Variants in UBE2R2 observed in about 807,000 individuals in gnomAD.
The protein encoded by UBE2R2 is ubiquitin-conjugating enzyme E2 R2.
Under a neutral mutation model 27.8 loss-of-function variants are expected in UBE2R2, and 1 was observed. The ratio of observed to expected loss-of-function variants is 0.04; its 90% confidence interval spans 0.01 to 0.17. UBE2R2 has a LOEUF of 0.17. Among genes scored for constraint, UBE2R2 ranks in the 10% least tolerant of loss-of-function variants. UBE2R2 has a pLI of 1.00. For synonymous variants in UBE2R2, 106 were observed against 113.3 expected (o/e 0.94, Z 0.41); for missense variants, 100 against 291.0 (o/e 0.34, Z 4.78).
chr9:33,863,246 G>A (rs1443961052), intron 1 of UBE2R2, among the ~76,000 whole-genome samples: 5 of 151,326 alleles, frequency 3.3e-5, no homozygotes, highest in South Asian at 4.2e-4. Context: ...ATGGTAAGCC[G>A]GGCGTGGTGG....
chr9:33,913,945 G>T (rs1316396160), intron 4 of UBE2R2, among the ~76,000 whole-genome samples: 1 of 152,210 alleles, frequency 6.6e-6, no homozygotes, highest in Non-Finnish European at 1.5e-5. Context: ...AGATCCTACA[G>T]AAATTTAGAG....
chr9:33,877,220 T>C (rs1210282954), intron 1 of UBE2R2, among the ~76,000 whole-genome samples: 2 of 148,256 alleles, frequency 1.3e-5, no homozygotes, highest in Middle Eastern at 3.4e-3. Context: ...CTCACTCTGT[T>C]GCCCAGGCTA....
At chr9:33,862,523 T>C (rs1312429134) in intron 1 of UBE2R2, among the ~76,000 whole-genome samples, 1 of 152,218 alleles carries the variant, frequency 6.6e-6, no homozygotes, top group Non-Finnish European at 1.5e-5. Flanking sequence ...CCGTGTGCTC[T>C]CATTTTTTCC....
In UBE2R2 at chr9:33,912,104, GTTT is replaced by G; in HGVS notation, c.497+15_497+17del. 2 of 1,331,750 alleles carry G rather than the reference GTTT, an allele frequency of 1.5e-6. No homozygotes were observed. Among genetic ancestry groups the G allele is most frequent in the Non-Finnish European group, 2.0e-6 (2 of 977,726 alleles). The allele number at this position is 1,331,750 out of a possible 1,614,324, so 82.5% of individuals were successfully genotyped here. On this transcript the variant is annotated splice_region_variant and intron_variant, in intron 4 of 4. Transcript: ENST00000263228. ...GAATATGCTGAAATTATTAGGTAAG[GTTT>G]TTTTTTTTATTACCTCAAGTTATAC...
chr9:33,838,403 A>G (rs1820661656), intron 1 of UBE2R2, among the ~76,000 whole-genome samples: 1 of 151,050 alleles, frequency 6.6e-6, no homozygotes, highest in South Asian at 2.1e-4. Flanking sequence ...CATTTTTAAT[A>G]CATTTTACTT....
intron 1 of UBE2R2, among the ~76,000 whole-genome samples, chr9:33,825,804 ACTT>A (rs1430923810): frequency 6.6e-6 from 1 of 152,156 alleles, no homozygotes; most frequent in African/African-American, 2.4e-5. Context: ...ATGTTTCTGA[ACTT>A]CTTTTGAACT....
intron 1 of UBE2R2, among the ~76,000 whole-genome samples, chr9:33,822,878 C>CT (rs1047417579): frequency 1.4e-5 from 2 of 146,198 alleles, no homozygotes; most frequent in Admixed American, 1.4e-4. Flanking sequence ...TATTTTATTT[C>CT]TTTTTTTTCT....
chr9:33,874,238 G>A (rs1474714844), intron 1 of UBE2R2, among the ~76,000 whole-genome samples: 1 of 152,054 alleles, frequency 6.6e-6, no homozygotes, highest in African/African-American at 2.4e-5. Context: ...ATGAACCACC[G>A]TGCCCAGCCT....
At chr9:33,867,463 C>T (rs1161430501) in intron 1 of UBE2R2, among the ~76,000 whole-genome samples, 2 of 152,128 alleles carry the variant, frequency 1.3e-5, no homozygotes, top group Non-Finnish European at 2.9e-5. Context: ...CCTTAGGCTA[C>T]ATATATGTAC....
intron 1 of UBE2R2, among the ~76,000 whole-genome samples, chr9:33,829,088 A>G (rs1820383188): frequency 6.6e-6 from 1 of 151,936 alleles, no homozygotes; most frequent in South Asian, 2.1e-4. Flanking sequence ...CCAGGCTGGG[A>G]TTGAATTTAC....
At chr9:33,841,614 G>A (rs1377282359) in intron 1 of UBE2R2, among the ~76,000 whole-genome samples, 1 of 152,080 alleles carries the variant, frequency 6.6e-6, no homozygotes, top group Admixed American at 6.6e-5. Context: ...GCTGTGAGTT[G>A]TCATTGTTTC....
At chr9:33,889,563 C>A (rs1161839401) in intron 2 of UBE2R2, among the ~76,000 whole-genome samples, 1 of 151,952 alleles carries the variant, frequency 6.6e-6, no homozygotes, top group East Asian at 1.9e-4. Context: ...AAAATTCAGA[C>A]CATAACAATG....
chr9:33,870,088 A>G (rs1377306782), intron 1 of UBE2R2, among the ~76,000 whole-genome samples: 1 of 151,290 alleles, frequency 6.6e-6, no homozygotes, highest in Non-Finnish European at 1.5e-5. Flanking sequence ...CTCGTGATCC[A>G]CCCGCCTTGG....
rs138047093 is a variant in UBE2R2, at chr9:33,909,006, T to TTAAATAAATAAATAAATAAATAAA, written c.363-2936_363-2935insAATAAATAAATAAATAAATAAATA. On this transcript the variant is annotated intron_variant, in intron 3 of 4. Transcript: ENST00000263228. ...GGGGCAACATAGTGAGACCCTGTCTTTAAATAAATAAATAAATAAATATTA... is the reference window on the plus strand; with the variant it reads ...GGGGCAACATAGTGAGACCCTGTCTTTAAATAAATAAATAAATAAATAAATAAATAAATAAATAAATAAATATTA... Among the ~76,000 whole-genome samples the TTAAATAAATAAATAAATAAATAAA allele has an allele frequency of 4.3e-3, 651 of 150,258 alleles. 3 individuals carry two copies. Among genetic ancestry groups the TTAAATAAATAAATAAATAAATAAA allele is most frequent in the African/African-American group, 0.015 (609 of 40,666 alleles).
chr9:33,857,676 A>G (rs767322171), intron 1 of UBE2R2, among the ~76,000 whole-genome samples: 1 of 152,212 alleles, frequency 6.6e-6, no homozygotes, highest in Non-Finnish European at 1.5e-5. Flanking sequence ...TGAAAGTCAT[A>G]TTTAGTTATC....
intron 1 of UBE2R2, among the ~76,000 whole-genome samples, chr9:33,822,134 C>T (rs891800774): frequency 1.3e-5 from 2 of 150,866 alleles, no homozygotes; most frequent in Non-Finnish European, 2.9e-5. Flanking sequence ...TCTTATTGCC[C>T]AGGCTGGAGT....
chr9:33,834,598 C>T (rs1207410542), intron 1 of UBE2R2, among the ~76,000 whole-genome samples: 1 of 151,844 alleles, frequency 6.6e-6, no homozygotes, highest in African/African-American at 2.4e-5. Flanking sequence ...ATTTATAAAA[C>T]CTATTCATTA....
intron 4 of UBE2R2, among the ~76,000 whole-genome samples, chr9:33,913,956 G>A (rs1822567344): frequency 6.6e-6 from 1 of 152,208 alleles, no homozygotes; most frequent in African/African-American, 2.4e-5. Context: ...AAATTTAGAG[G>A]AGTGGGAGTG....
intron 1 of UBE2R2, among the ~76,000 whole-genome samples, chr9:33,854,127 T>G (rs925985993): frequency 1.3e-5 from 2 of 152,194 alleles, no homozygotes; most frequent in African/African-American, 4.8e-5. Flanking sequence ...TTTCTAAATA[T>G]ATTGGTTTTT....
Sources: gnomAD v4.1 joint callset for allele counts (sites outside exome capture counted in the v4.1 genomes callset) on GRCh38, gnomAD v4.1.1 for gene constraint, MANE v1.5 for transcripts, NCBI Gene and HGNC (gene_info 2026-07-23, HGNC 2026-07-21) for gene names.